Variants in TMTC2 observed in about 807,000 individuals in gnomAD.
The protein encoded by TMTC2 is protein O-mannosyl-transferase TMTC2.
Under a neutral mutation model 82.4 loss-of-function variants are expected in TMTC2, and 43 were observed. The ratio of observed to expected loss-of-function variants is 0.52; its 90% confidence interval spans 0.41 to 0.67. The LOEUF (loss-of-function observed/expected upper bound fraction) is 0.67. TMTC2 is among the 30% of genes least tolerant of loss of function. The pLI is 0.00. For missense variants in TMTC2, 919 were observed against 1,012.4 expected, an observed-to-expected ratio of 0.91 and a Z score of 1.25; for synonymous variants, 408 against 381.9, an observed-to-expected ratio of 1.07 and a Z score of -0.80.
intron 1 of TMTC2, among the ~76,000 whole-genome samples, chr12:82,692,726 A>C (rs1389978235): frequency 1.3e-5 from 2 of 152,238 alleles, no homozygotes; most frequent in African/African-American, 2.4e-5. Flanking sequence ...AAAAGTGACA[A>C]GTGTGGCAGC....
intron 3 of TMTC2, among the ~76,000 whole-genome samples, chr12:82,911,810 A>G (rs1874679745): frequency 1.3e-5 from 2 of 152,140 alleles, no homozygotes; most frequent in Non-Finnish European, 1.5e-5. Context: ...GGGTTTTGCC[A>G]TGTTTGCTAG....
At chr12:82,814,364 C>T (rs1868568653) in intron 1 of TMTC2, among the ~76,000 whole-genome samples, 1 of 152,094 alleles carries the variant, frequency 6.6e-6, no homozygotes, top group Admixed American at 6.6e-5. Context: ...AACAAAGCTC[C>T]ATGGGAGAAT....
At chr12:82,818,651 A>C (rs1232685265) in intron 1 of TMTC2, among the ~76,000 whole-genome samples, 1 of 152,132 alleles carries the variant, frequency 6.6e-6, no homozygotes, top group African/African-American at 2.4e-5. Flanking sequence ...CTCATATGGG[A>C]GTGCCCACTA....
intron 2 of TMTC2, among the ~76,000 whole-genome samples, chr12:82,879,566 G>A (rs1299944553): frequency 2.6e-5 from 4 of 152,302 alleles, no homozygotes; most frequent in East Asian, 1.9e-4. Context: ...GAGCAGGACC[G>A]GTTCGTGGCC....
chr12:82,904,941 G>T (rs1874210093), intron 3 of TMTC2, among the ~76,000 whole-genome samples: 2 of 147,258 alleles, frequency 1.4e-5, no homozygotes, highest in African/African-American at 2.5e-5. Flanking sequence ...TATGATTTTT[G>T]CTTCCTCCCT....
Position 82,944,608 on chromosome 12 carries a change from C to G in TMTC2, c.1598+14063C>G, listed in dbSNP as rs536610515. Among the ~76,000 whole-genome samples, 133 of 147,488 alleles carry G rather than the reference C, an allele frequency of 9.0e-4. 1 individual carries two copies. Among genetic ancestry groups the G allele is most frequent in the Middle Eastern group, 3.6e-3 (1 of 276 alleles). The stretch of plus-strand genomic sequence containing the variant: ...GGAAAAGAAAAAGAAAAAGTAGAAA[C>G]CTAAAGTTGGCTTAAGGAGTACAGT... On this transcript the variant is annotated intron_variant, in intron 4 of 11. Coordinates refer to ENST00000321196, the MANE Select transcript of TMTC2 (RefSeq NM_152588.3).
intron 10 of TMTC2, among the ~76,000 whole-genome samples, chr12:83,059,815 A>G (rs1882676702): frequency 6.6e-6 from 1 of 151,746 alleles, no homozygotes; most frequent in Non-Finnish European, 1.5e-5. Flanking sequence ...AAATGTCCAT[A>G]AAGATGAATA....
intron 3 of TMTC2, among the ~76,000 whole-genome samples, chr12:82,916,194 T>C (rs2137219077): frequency 6.6e-6 from 1 of 152,350 alleles, no homozygotes; most frequent in Middle Eastern, 3.4e-3. Context: ...TTCTAGTATA[T>C]ATATTCCCCA....
chr12:82,901,912 T>C (rs1440727487), intron 3 of TMTC2, among the ~76,000 whole-genome samples: 1 of 152,148 alleles, frequency 6.6e-6, no homozygotes, highest in Non-Finnish European at 1.5e-5. Context: ...GCTCTGTTGG[T>C]ATGGGGGAGG....
chr12:82,709,016 T>G (rs1280511131), intron 1 of TMTC2, among the ~76,000 whole-genome samples: 2 of 152,212 alleles, frequency 1.3e-5, no homozygotes, highest in Non-Finnish European at 2.9e-5. Flanking sequence ...CTTCATGCTT[T>G]TTTGTTCTTT....
chr12:83,075,925 C>T (rs1883272380), intron 11 of TMTC2, among the ~76,000 whole-genome samples: 1 of 152,188 alleles, frequency 6.6e-6, no homozygotes. Flanking sequence ...TGTTGTACTT[C>T]TGTTTTGCAG....
intron 2 of TMTC2, among the ~76,000 whole-genome samples, chr12:82,885,282 C>A (rs76050552): frequency 6.6e-6 from 1 of 151,692 alleles, no homozygotes; most frequent in African/African-American, 2.4e-5. Flanking sequence ...TGGAATTTGT[C>A]GGATTTTTGT....
chr12:83,055,377 T>A (rs1882500198), intron 10 of TMTC2, among the ~76,000 whole-genome samples: 1 of 151,982 alleles, frequency 6.6e-6, no homozygotes, highest in Non-Finnish European at 1.5e-5. Context: ...TGACAATACA[T>A]GGTGACATTT....
At chr12:82,907,971 G>C (rs1874414826) in intron 3 of TMTC2, among the ~76,000 whole-genome samples, 1 of 152,024 alleles carries the variant, frequency 6.6e-6, no homozygotes, top group Non-Finnish European at 1.5e-5. Flanking sequence ...AATTAGCTGG[G>C]CATGGTGGCA....
At chr12:83,123,943 C>T (rs1459674781) in intron 11 of TMTC2, among the ~76,000 whole-genome samples, 2 of 152,170 alleles carry the variant, frequency 1.3e-5, no homozygotes, top group African/African-American at 2.4e-5. Context: ...TGTAGACACA[C>T]CTGATTCTTC....
intron 8 of TMTC2, 74 bp from the exon 9 acceptor site, chr12:83,030,724 C>A: frequency 8.3e-7 from 1 of 1,201,972 alleles, no homozygotes; most frequent in Non-Finnish European, 1.2e-6. Flanking sequence ...CATTTGGCTA[C>A]TTCAGTTAGG....
Position 82,688,708 on chromosome 12 carries a change from G to A in TMTC2, c.83+1039G>A, listed in dbSNP as rs535104630. On this transcript the variant is annotated intron_variant, in intron 1 of 11. Transcript: ENST00000321196. The stretch of plus-strand genomic sequence containing the variant: ...CCATTGAAATTAAACCATCCAAAAA[G>A]TGAGCACAGATTTACTTTGACAGCT... Among the ~76,000 whole-genome samples the A allele has an allele frequency of 3.3e-5, 5 of 152,314 alleles. No individual in the cohort carries two copies. The East Asian group carries it at 9.6e-4, about 29-fold the overall frequency.
intron 1 of TMTC2, chr12:82,758,936 C>A (rs187291454): frequency 9.9e-5 from 15 of 152,142 alleles, no homozygotes; most frequent in Admixed American, 2.6e-4. Context: ...GGAAAACATA[C>A]CGGATTGAGT....
intron 4 of TMTC2, among the ~76,000 whole-genome samples, chr12:82,932,618 G>A (rs947153952): frequency 1.3e-5 from 2 of 151,946 alleles, no homozygotes; most frequent in Non-Finnish European, 1.5e-5. Context: ...TGAGTTTAAT[G>A]TATTCACACA....
Sources: gnomAD v4.1 joint callset for allele counts (sites outside exome capture counted in the v4.1 genomes callset) on GRCh38, gnomAD v4.1.1 for gene constraint, MANE v1.5 for transcripts, NCBI Gene and HGNC (gene_info 2026-07-23, HGNC 2026-07-21) for gene names.